Variants in ZNF248 observed in about 807,000 individuals in gnomAD.
ZNF248 encodes the protein KRAB protein domain.
In ZNF248, 20 loss-of-function variants were observed where a neutral mutation model predicts 44.3. That is an observed-to-expected ratio of 0.45 (90% CI 0.32 to 0.66). The LOEUF is 0.66. ZNF248 is among the 30% of genes least tolerant of loss of function. The probability of loss-of-function intolerance (pLI) is 0.04; values close to 1 mark genes in which losing one functional copy is unlikely to be tolerated. For synonymous variants in ZNF248, 224 were observed against 229.0 expected, an observed-to-expected ratio of 0.98 and a Z score of 0.20; for missense variants, 654 against 677.0, an observed-to-expected ratio of 0.97 and a Z score of 0.38.
chr10:37,828,826 T>C lies in ZNF248; in HGVS notation c.*2789A>G, dbSNP rs527566358. ...GCTGCTTACCTTACACCACATACAA[T>C]AAGAAACACCACAGGGAGGTATGAA... is the stretch of plus-strand genomic sequence containing the variant. On this transcript the variant is annotated 3_prime_UTR_variant, in exon 6 of 6. Coordinates refer to ENST00000395867, the MANE Select transcript of ZNF248 (RefSeq NM_021045.3). 2.0e-6 allele frequency: 2 copies of C among 985,284 alleles called. No homozygotes were observed. Among genetic ancestry groups the C allele is most frequent in the Admixed American group, 6.1e-5 (1 of 16,274 alleles). The allele number at this position is 985,284 out of a possible 1,614,324, so 61.0% of individuals were successfully genotyped here.
chr10:37,765,367 C>T, the ZNF248 span, among the ~76,000 whole-genome samples: 2 of 152,144 alleles, frequency 1.3e-5, no homozygotes, highest in Non-Finnish European at 1.5e-5. Flanking sequence ...TTTGATGACT[C>T]ACCCTACAAG....
Position 37,831,822 on chromosome 10 carries a change from T to C in ZNF248, c.1533A>G (p.Gln511=). The stretch of plus-strand genomic sequence containing the variant: ...ATGGTTTCTCCCCAGTGTGAGTTCT[T>C]TGATGTACAATGAGGTTTGACTTCA... ...FCVKSNLIVH[Q]RTHTGEKPYK... is the part of the protein sequence containing the mutation. The change falls in exon 6 of 6, where the codon CAA becomes CAG. Residue 511 remains glutamine, a synonymous_variant. Coordinates refer to ENST00000395867, the MANE Select transcript of ZNF248 (RefSeq NM_021045.3). The C allele has an allele frequency of 6.2e-7, 1 of 1,613,358 alleles. No homozygotes were observed. Among genetic ancestry groups the C allele is most frequent in the Middle Eastern group, 1.7e-4 (1 of 6,054 alleles).
the ZNF248 span, among the ~76,000 whole-genome samples, chr10:37,760,289 T>C: frequency 1.5e-4 from 23 of 152,224 alleles, no homozygotes; most frequent in South Asian, 2.9e-3. Context: ...AGGGCAGTGG[T>C]GCAATGCACA....
At chr10:37,789,106 C>T (rs995464545) in intron 6 of ZNF248, among the ~76,000 whole-genome samples, 5 of 152,016 alleles carry the variant, frequency 3.3e-5, no homozygotes, top group Admixed American at 2.0e-4. Flanking sequence ...TTTATAGACA[C>T]AGGGCAGATC....
chr10:37,764,127 A>G, the ZNF248 span, among the ~76,000 whole-genome samples: 1 of 152,232 alleles, frequency 6.6e-6, no homozygotes, highest in Non-Finnish European at 1.5e-5. Context: ...AGCAAATAGG[A>G]GAAATATCAC....
At chr10:37,847,977 A>G (rs946270930) in intron 3 of ZNF248, among the ~76,000 whole-genome samples, 2 of 152,248 alleles carry the variant, frequency 1.3e-5, no homozygotes, top group African/African-American at 4.8e-5. Flanking sequence ...ATCAGTGAAG[A>G]AACATAAAAG....
chr10:37,825,381 T>C (rs2054215003), downstream of ZNF248, among the ~76,000 whole-genome samples: 3 of 152,130 alleles, frequency 2.0e-5, no homozygotes, highest in South Asian at 6.2e-4. Context: ...AGGTTGGAAT[T>C]TTTTTAACAA....
rs568422284 is a variant in ZNF248 at position 37,819,552 on chromosome 10, T to C, written c.330+13473A>G. The C allele has an allele frequency of 1.1e-5, 10 of 946,018 alleles. No individual in the cohort carries two copies. In the East Asian group the frequency reaches 1.9e-4, roughly 18 times the overall value. 58.6% of individuals were successfully genotyped at this position (946,018 alleles called of 1,614,324 possible). A position where few individuals can be genotyped will look rare whatever the true frequency, so the allele number is the denominator to read the frequency against. On this transcript the variant is annotated intron_variant, in intron 6 of 6. Coordinates refer to the ZNF248 transcript ENST00000615949. ...AACAACAAATATCTGTCATTTAGCA[T>C]TGGATGATCTTTAAATTGTGAGTTA...
intron 3 of ZNF248, among the ~76,000 whole-genome samples, chr10:37,854,046 G>A (rs1001540922): frequency 1.3e-5 from 2 of 152,184 alleles, no homozygotes; most frequent in African/African-American, 2.4e-5. Context: ...GGGGGGTGGA[G>A]TAAATGGAAT....
At chr10:37,851,899 A>G (rs1053850528) in intron 3 of ZNF248, among the ~76,000 whole-genome samples, 30 of 151,712 alleles carry the variant, frequency 2.0e-4, no homozygotes, top group African/African-American at 7.0e-4. Context: ...TTTATTTTTC[A>G]TAGCCCAAAA....
rs1445308600 is a variant in ZNF248, at chr10:37,832,534, A to C, written c.821T>G (p.Ile274Ser). ...ATTCATGCAGAAGGACTTCCCGCAA[A>C]TACTGCATCCATACGGCTCCATTTC... Reference protein sequence around the residue: ...HLEMEPYGCSICGKSFCMNLR... With the variant: ...HLEMEPYGCSSCGKSFCMNLR... The change falls in exon 6 of 6, where the codon ATT (isoleucine) becomes AGT (serine). Residue 274 changes from isoleucine (I) to serine (S), a missense_variant. Transcript: ENST00000395867. 7 of 1,613,956 alleles carry C rather than the reference A, an allele frequency of 4.3e-6. No homozygotes were observed. The highest frequency in any genetic ancestry group is 1.6e-4 in the Middle Eastern group (1 of 6,062).
chr10:37,822,303 A>G (rs988394798), intron 6 of ZNF248, among the ~76,000 whole-genome samples: 3 of 152,236 alleles, frequency 2.0e-5, no homozygotes, highest in Non-Finnish European at 4.4e-5. Context: ...AGAAAAAAAC[A>G]TTTAAATAAA....
At chr10:37,770,991 C>A in the ZNF248 span, among the ~76,000 whole-genome samples, 1 of 152,168 alleles carries the variant, frequency 6.6e-6, no homozygotes, top group Non-Finnish European at 1.5e-5. Flanking sequence ...CAAAAGAAGA[C>A]ATTTATGCAG....
intron 6 of ZNF248, among the ~76,000 whole-genome samples, chr10:37,789,122 T>C (rs1280962054): frequency 2.0e-5 from 3 of 152,148 alleles, no homozygotes; most frequent in African/African-American, 7.2e-5. Context: ...AGATCAGTGA[T>C]TGGCTGGGAG....
intron 3 of ZNF248, among the ~76,000 whole-genome samples, chr10:37,843,284 G>C (rs899310384): frequency 2.6e-5 from 4 of 152,014 alleles, no homozygotes; most frequent in African/African-American, 9.7e-5. Flanking sequence ...AATTAGCTGG[G>C]CGTGGTGGCG....
intron 6 of ZNF248, chr10:37,819,252 T>A: frequency 6.9e-6 from 6 of 872,660 alleles, no homozygotes; most frequent in Non-Finnish European, 2.0e-6. Flanking sequence ...TTGTGCCGTT[T>A]CAGATAGAAG....
downstream of ZNF248, among the ~76,000 whole-genome samples, chr10:37,826,304 T>C (rs1157619607): frequency 1.4e-5 from 2 of 144,204 alleles, no homozygotes; most frequent in Admixed American, 6.8e-5. Flanking sequence ...TTTTCTCATA[T>C]AAATAAGTGG....
intron 6 of ZNF248, among the ~76,000 whole-genome samples, chr10:37,780,747 G>C (rs11816995): frequency 0.028 from 4,188 of 152,116 alleles, 142 homozygotes; most frequent in African/African-American, 0.082. Context: ...GCCACCCTCC[G>C]ACTCACAGGG....
Position 37,829,814 on chromosome 10 carries a change from C to T in ZNF248, c.*1801G>A. 4 of 985,412 alleles carry T rather than the reference C, an allele frequency of 4.1e-6. No homozygotes were observed. Among genetic ancestry groups the T allele is most frequent in the Non-Finnish European group, 4.8e-6 (4 of 829,920 alleles). The allele number at this position is 985,412 out of a possible 1,614,324, so 61.0% of individuals were successfully genotyped here. On this transcript the variant is annotated 3_prime_UTR_variant, in exon 6 of 6. Transcript: ENST00000395867. Reference sequence around the variant, plus strand: ...TTCCCAGAAGTACTACACAATACTTCCCAAACATCTCATTGCTCCCAAGTT... The same window carrying T: ...TTCCCAGAAGTACTACACAATACTTTCCAAACATCTCATTGCTCCCAAGTT...
Sources: gnomAD v4.1 joint callset for allele counts (sites outside exome capture counted in the v4.1 genomes callset) on GRCh38, gnomAD v4.1.1 for gene constraint, MANE v1.5 for transcripts, NCBI Gene and HGNC (gene_info 2026-07-23, HGNC 2026-07-21) for gene names.